GAS7: variants seen among roughly 807,000 people sequenced by gnomAD.
The protein encoded by GAS7 is growth arrest-specific protein 7.
A neutral mutation model predicts 71.1 loss-of-function variants in GAS7; 28 were observed. The observed-to-expected ratio is 0.39, with a 90% CI of 0.29 to 0.54. GAS7 has a LOEUF of 0.54. GAS7 is among the 20% of genes least tolerant of loss of function. The pLI is 0.62. For synonymous variants in GAS7, 258 were observed against 245.8 expected, an observed-to-expected ratio of 1.05 and a Z score of -0.46; for missense variants, 436 against 627.8, an observed-to-expected ratio of 0.69 and a Z score of 3.27.
At chr17:10,092,607 T>C (rs1258984879) in intron 1 of GAS7, among the ~76,000 whole-genome samples, 3 of 152,256 alleles carry the variant, frequency 2.0e-5, no homozygotes, top group South Asian at 4.1e-4. Flanking sequence ...ATTAGTTTCA[T>C]ATGACTGCTG....
intron 2 of GAS7, among the ~76,000 whole-genome samples, chr17:10,005,193 G>T (rs80159082): frequency 6.7e-6 from 1 of 149,130 alleles, no homozygotes; most frequent in Non-Finnish European, 1.5e-5. Flanking sequence ...GTATGTGCAC[G>T]CATGCATGTG....
At chr17:9,953,505 C>T (rs2069102824) in intron 5 of GAS7, among the ~76,000 whole-genome samples, 1 of 152,218 alleles carries the variant, frequency 6.6e-6, no homozygotes, top group African/African-American at 2.4e-5. Flanking sequence ...ATTCTCATTT[C>T]ATCTTCCCAG....
In GAS7 at chr17:10,125,537, G is replaced by GA. The variant is rs34160339; in HGVS notation, c.183+72670dup. 2.2e-4 allele frequency among the ~76,000 whole-genome samples: 22 copies of GA among 99,928 alleles called. 1 individual carries two copies. Among genetic ancestry groups the GA allele is most frequent in the African/African-American group, 6.2e-4 (20 of 32,308 alleles). 65.6% of individuals were successfully genotyped at this position (99,928 alleles called of 152,430 possible). A position where few individuals can be genotyped will look rare whatever the true frequency, so the allele number is the denominator to read the frequency against. On this transcript the variant is annotated intron_variant, in intron 1 of 13. Coordinates refer to ENST00000432992, the MANE Select transcript of GAS7 (RefSeq NM_201433.2). Reference sequence around the variant, plus strand: ...CGAAACTCCATCTTAAAAAAAAAAAGAAAAAAAAAAAAGGTCAAACAACTG... The same window carrying GA: ...CGAAACTCCATCTTAAAAAAAAAAAGAAAAAAAAAAAAAGGTCAAACAACTG...
intron 1 of GAS7, among the ~76,000 whole-genome samples, chr17:10,116,498 C>T (rs1008164050): frequency 5.3e-5 from 8 of 152,010 alleles, no homozygotes; most frequent in East Asian, 1.9e-4. Context: ...TGCAACTGGC[C>T]GGGCTGCTCA....
chr17:10,019,396 A>T (rs1418060913), intron 2 of GAS7, among the ~76,000 whole-genome samples: 2 of 152,170 alleles, frequency 1.3e-5, no homozygotes, highest in Non-Finnish European at 2.9e-5. Context: ...CCAAGACATC[A>T]TGCAGTGACT....
chr17:10,030,837 C>T (rs2072600139), intron 1 of GAS7, among the ~76,000 whole-genome samples: 1 of 152,202 alleles, frequency 6.6e-6, no homozygotes, highest in South Asian at 2.1e-4. Context: ...GCTTGAATAT[C>T]CCACTTGCTC....
chr17:10,049,182 T>C (rs972987917), intron 1 of GAS7, among the ~76,000 whole-genome samples: 1 of 152,208 alleles, frequency 6.6e-6, no homozygotes, highest in Non-Finnish European at 1.5e-5. Flanking sequence ...AGCAACACTG[T>C]GCTATGTAAG....
chr17:9,984,036 A>C (rs1043753952), intron 2 of GAS7, among the ~76,000 whole-genome samples: 2 of 152,206 alleles, frequency 1.3e-5, no homozygotes, highest in African/African-American at 4.8e-5. Flanking sequence ...TACTGTACCA[A>C]TACCAAAGGC....
intron 5 of GAS7, among the ~76,000 whole-genome samples, chr17:9,947,938 A>G (rs1294383102): frequency 6.6e-6 from 1 of 152,086 alleles, no homozygotes; most frequent in African/African-American, 2.4e-5. Flanking sequence ...CAATGTGAAG[A>G]TGTTGAGGAT....
intron 2 of GAS7, among the ~76,000 whole-genome samples, chr17:10,012,747 C>A (rs912254821): frequency 6.6e-6 from 1 of 152,138 alleles, no homozygotes; most frequent in South Asian, 2.1e-4. Flanking sequence ...TATGAAGCGG[C>A]GGCACTTTTA....
intron 1 of GAS7, among the ~76,000 whole-genome samples, chr17:10,187,323 C>G (rs981935284): frequency 6.6e-5 from 10 of 152,142 alleles, no homozygotes; most frequent in African/African-American, 2.4e-4. Context: ...ATCCATGTTG[C>G]TTTACCACTG....
chr17:10,094,013 T>A (rs955549890), intron 1 of GAS7, among the ~76,000 whole-genome samples: 1 of 152,092 alleles, frequency 6.6e-6, no homozygotes. Flanking sequence ...AAGTGATGGG[T>A]ACATCAAATC....
At chr17:10,109,479 T>G (rs1199487476) in intron 1 of GAS7, among the ~76,000 whole-genome samples, 1 of 152,212 alleles carries the variant, frequency 6.6e-6, no homozygotes, top group Non-Finnish European at 1.5e-5. Flanking sequence ...ATGGGATCTC[T>G]TGTACACTAC....
In GAS7 at chr17:10,122,679, G is replaced by C. The variant is rs144113092; in HGVS notation, c.183+75529C>G. Among the ~76,000 whole-genome samples the C allele has an allele frequency of 2.6e-5, 4 of 152,158 alleles. No homozygotes were observed. The East Asian group carries it at 5.8e-4, about 22-fold the overall frequency. Reference sequence around the variant, plus strand: ...AAGTTATTTACCTCCACGGAGCCTTGGTTTTTTACCCATAAACCCAAAACA... The same window carrying C: ...AAGTTATTTACCTCCACGGAGCCTTCGTTTTTTACCCATAAACCCAAAACA... On this transcript the variant is annotated intron_variant, in intron 1 of 13. Coordinates refer to ENST00000432992, the MANE Select transcript of GAS7 (RefSeq NM_201433.2).
chr17:9,956,303 AG>A (rs1829289921), intron 5 of GAS7, among the ~76,000 whole-genome samples: 1 of 152,164 alleles, frequency 6.6e-6, no homozygotes, highest in Non-Finnish European at 1.5e-5. Flanking sequence ...GGAACAAGCC[AG>A]CCCCGGAGCT....
chr17:9,922,444 A>G (rs1017768212), intron 11 of GAS7, among the ~76,000 whole-genome samples: 1 of 152,226 alleles, frequency 6.6e-6, no homozygotes, highest in Non-Finnish European at 1.5e-5. Flanking sequence ...TTTCTCTGCC[A>G]TCAGTCTTCT....
chr17:10,154,013 G>A (rs2074186542), intron 1 of GAS7, among the ~76,000 whole-genome samples: 1 of 152,122 alleles, frequency 6.6e-6, no homozygotes, highest in Admixed American at 6.5e-5. Flanking sequence ...AGGAGTTTGA[G>A]GTAATAAACA....
At chr17:9,996,722 T>G (rs2071061662) in intron 2 of GAS7, among the ~76,000 whole-genome samples, 1 of 151,920 alleles carries the variant, frequency 6.6e-6, no homozygotes, top group Non-Finnish European at 1.5e-5. Context: ...CACTGCAACC[T>G]CCGCCTCCCA....
In GAS7 at chr17:10,000,549, C is replaced by T. The variant is rs193230679; in HGVS notation, c.305-18665G>A. Among the ~76,000 whole-genome samples the T allele has an allele frequency of 2.7e-4, 41 of 152,270 alleles. No individual in the cohort carries two copies. In the East Asian group the frequency reaches 6.0e-3, roughly 22 times the overall value. On this transcript the variant is annotated intron_variant, in intron 2 of 13. Transcript: ENST00000432992. ...AGAGATCTAGGAAAAGAAGAGTGAA[C>T]GCAACAGGGCAGATTCACTGAGAGT...
Sources: gnomAD v4.1 joint callset for allele counts (sites outside exome capture counted in the v4.1 genomes callset) on GRCh38, gnomAD v4.1.1 for gene constraint, MANE v1.5 for transcripts, NCBI Gene and HGNC (gene_info 2026-07-23, HGNC 2026-07-21) for gene names.